USP32: variants seen among roughly 807,000 people sequenced by gnomAD.
The protein encoded by USP32 is ubiquitin specific peptidase 32, also known as ubiquitin carboxyl-terminal hydrolase 32.
In USP32, 59 loss-of-function variants were observed where a neutral mutation model predicts 204.8. The observed-to-expected ratio is 0.29, with a 90% CI of 0.23 to 0.36. USP32 has a LOEUF of 0.36. Ranked by LOEUF, USP32 falls within the 10% of genes least tolerant of loss-of-function variation. The pLI, the probability that USP32 is intolerant of heterozygous loss-of-function variation, is 1.00. For synonymous variants in USP32, 517 were observed against 678.4 expected (o/e 0.76, Z 3.70); for missense variants, 1,160 against 1,946.4 (o/e 0.60, Z 7.60).
intron 12 of USP32, among the ~76,000 whole-genome samples, chr17:60,229,595 G>A (rs2085489868): frequency 6.6e-6 from 1 of 152,148 alleles, no homozygotes; most frequent in Admixed American, 6.6e-5. Flanking sequence ...AAGACAGACA[G>A]CAAAACCATT....
chr17:60,399,243 G>A (rs1035074441), intron 1 of USP32, among the ~76,000 whole-genome samples: 1 of 152,106 alleles, frequency 6.6e-6, no homozygotes, highest in Non-Finnish European at 1.5e-5. Context: ...CTGCTCTCAT[G>A]GAATTTATAT....
intron 29 of USP32, among the ~76,000 whole-genome samples, chr17:60,189,288 G>A (rs141589287): frequency 0.013 from 1,951 of 152,224 alleles, 14 homozygotes; most frequent in Non-Finnish European, 0.021. Flanking sequence ...TGGTGTGTGC[G>A]GCATATTTTG....
chr17:60,209,846 A>C (rs1386014253), intron 21 of USP32, among the ~76,000 whole-genome samples: 4 of 152,188 alleles, frequency 2.6e-5, no homozygotes, highest in Non-Finnish European at 5.9e-5. Flanking sequence ...AAACATTAAA[A>C]CAGCGTTTGC....
chr17:60,409,969 T>G (rs758887368), intron 1 of USP32, among the ~76,000 whole-genome samples: 1 of 152,124 alleles, frequency 6.6e-6, no homozygotes, highest in African/African-American at 2.4e-5. Flanking sequence ...AAAACAAAGA[T>G]GAAAATAGCC....
At chr17:60,225,956 A>G (rs1436628356) in intron 13 of USP32, 83 bp downstream of exon 13, 71 of 1,010,270 alleles carry the variant, frequency 7.0e-5, no homozygotes, top group Non-Finnish European at 8.7e-5. Context: ...CAGTCTCAAA[A>G]AAAAAAAAAA....
chr17:60,319,886 A>T (rs1295130331), intron 2 of USP32, among the ~76,000 whole-genome samples: 2 of 152,226 alleles, frequency 1.3e-5, no homozygotes, highest in Non-Finnish European at 2.9e-5. Context: ...GATGATTTAA[A>T]GTATACGGGG....
chr17:60,397,646 C>T (rs943693967), intron 1 of USP32, among the ~76,000 whole-genome samples: 2 of 152,070 alleles, frequency 1.3e-5, no homozygotes, highest in Non-Finnish European at 2.9e-5. Flanking sequence ...AGACACCATG[C>T]ATAGTCACCC....
In USP32 at chr17:60,255,200, T is replaced by C. The variant is rs2086264949; in HGVS notation, c.1049A>G (p.Asn350Ser). The C allele has an allele frequency of 1.9e-6, 3 of 1,613,618 alleles. No individual in the cohort carries two copies. The highest frequency in any genetic ancestry group is 1.6e-4 in the Middle Eastern group (1 of 6,062). The change falls in exon 10 of 34, where the codon AAT becomes AGT. Residue 350 changes from asparagine (N) to serine (S), a missense_variant. Around this residue, in one of 8 missense-constraint regions of USP32, gnomAD observed 536 missense variants for 680.9 expected, o/e 0.79. Transcript: ENST00000300896. ...CTGGAAAAGGAGGTTCAAAAACTCATTGGCAAGAACATTTTTCACACTCCA... is the reference window on the plus strand; with the variant it reads ...CTGGAAAAGGAGGTTCAAAAACTCACTGGCAAGAACATTTTTCACACTCCA... ...QIWSVKNVLA[N>S]EFLNLLFQVC...
intron 1 of USP32, among the ~76,000 whole-genome samples, chr17:60,389,318 G>A (rs992728222): frequency 4.6e-5 from 7 of 152,128 alleles, no homozygotes; most frequent in Admixed American, 4.6e-4. Context: ...GAGGCTGGTG[G>A]ATCACCTGTG....
chr17:60,406,116 C>T (rs2089973433), intron 1 of USP32, among the ~76,000 whole-genome samples: 1 of 145,154 alleles, frequency 6.9e-6, no homozygotes, highest in African/African-American at 2.6e-5. Context: ...GTGATCATAC[C>T]ACTGTACCCC....
intron 1 of USP32, among the ~76,000 whole-genome samples, chr17:60,386,966 C>T (rs1362244346): frequency 6.6e-6 from 1 of 152,160 alleles, no homozygotes; most frequent in African/African-American, 2.4e-5. Context: ...TTCTCCTTTA[C>T]AAATAGTAAG....
intron 17 of USP32, among the ~76,000 whole-genome samples, chr17:60,214,237 C>T (rs554708882): frequency 2.0e-5 from 3 of 152,264 alleles, no homozygotes; most frequent in East Asian, 1.9e-4. Context: ...CCACTGTGCT[C>T]GGCCACACCA....
rs529178776 is a variant in USP32 at position 60,343,585 on chromosome 17, G to A, written c.186+1896C>T. 1.9e-3 allele frequency among the ~76,000 whole-genome samples: 291 copies of A among 152,248 alleles called. 1 individual carries two copies. The highest frequency in any genetic ancestry group is 6.6e-3 in the African/African-American group (273 of 41,546). The stretch of plus-strand genomic sequence containing the variant: ...ATAACGAAATGAAGGCAGAAATAAA[G>A]ATGTTCTTTGAAACCAATGAGAACA... On this transcript the variant is annotated intron_variant, in intron 2 of 33. Coordinates refer to ENST00000300896, the MANE Select transcript of USP32 (RefSeq NM_032582.4).
rs534073082 is a variant in USP32, at chr17:60,332,346, C to T, written c.186+13135G>A. ...GAAAACAAAAACCAAACATTTCTAT[C>T]GCCTCAAAAGTTTACTCTGGGCCGG... On this transcript the variant is annotated intron_variant, in intron 2 of 33. Coordinates refer to ENST00000300896, the MANE Select transcript of USP32 (RefSeq NM_032582.4). 2.6e-3 allele frequency among the ~76,000 whole-genome samples: 396 copies of T among 152,110 alleles called. 2 individuals carry two copies. Among genetic ancestry groups the T allele is most frequent in the Middle Eastern group, 0.017 (5 of 294 alleles).
At chr17:60,299,737 T>C (rs562004727) in intron 3 of USP32, among the ~76,000 whole-genome samples, 1 of 152,332 alleles carries the variant, frequency 6.6e-6, no homozygotes, top group South Asian at 2.1e-4. Context: ...AGCAGCTTAG[T>C]CTGTTGAGGC....
At chr17:60,296,945 T>C (rs2087445296) in intron 3 of USP32, among the ~76,000 whole-genome samples, 1 of 152,142 alleles carries the variant, frequency 6.6e-6, no homozygotes, top group South Asian at 2.1e-4. Context: ...ACACATCTCA[T>C]TATATCCAAT....
At chr17:60,363,283 C>T (rs992622476) in intron 1 of USP32, among the ~76,000 whole-genome samples, 4 of 151,628 alleles carry the variant, frequency 2.6e-5, no homozygotes, top group Non-Finnish European at 4.4e-5. Flanking sequence ...GATGAAACCC[C>T]GTCTCTACTA....
intron 2 of USP32, among the ~76,000 whole-genome samples, chr17:60,309,946 A>G: frequency 6.6e-6 from 1 of 152,148 alleles, no homozygotes; most frequent in Non-Finnish European, 1.5e-5. Flanking sequence ...CGGAAGTCTG[A>G]GGCAGGAGAA....
In USP32 at chr17:60,288,343, G is replaced by A. The variant is rs1369064732; in HGVS notation, c.571+180C>T. ...TAGTCCCAGCTGCTTGGGAGGATGA[G>A]GTGAGAGGACTGCTTGAGCCCAGGA... On this transcript the variant is annotated intron_variant, in intron 5 of 33. Transcript: ENST00000300896. 2.0e-5 allele frequency among the ~76,000 whole-genome samples: 3 copies of A among 152,060 alleles called. No homozygotes were observed. The East Asian group carries it at 5.8e-4, about 29-fold the overall frequency.
Sources: allele counts gnomAD v4.1 joint callset (sites outside exome capture counted in the v4.1 genomes callset), GRCh38; gene constraint gnomAD v4.1.1; regional missense constraint gnomAD v4.1.1; transcripts MANE v1.5; gene names NCBI Gene and HGNC (gene_info 2026-07-23, HGNC 2026-07-21).